FAM168A: variants seen among roughly 807,000 people sequenced by gnomAD.
FAM168A encodes the protein protein FAM168A.
Under a neutral mutation model 28.5 loss-of-function variants are expected in FAM168A, and 3 were observed. That is an observed-to-expected ratio of 0.11 (90% CI 0.05 to 0.27). The LOEUF (loss-of-function observed/expected upper bound fraction) is 0.27. Ranked by LOEUF, FAM168A falls within the 10% of genes least tolerant of loss-of-function variation. The pLI is 1.00. For synonymous variants in FAM168A, 122 were observed against 124.2 expected (o/e 0.98, Z 0.12); for missense variants, 222 against 311.5 (o/e 0.71, Z 2.16).
chr11:73,569,641 G>A (rs547375703), intron 1 of FAM168A, among the ~76,000 whole-genome samples: 327 of 152,188 alleles, frequency 2.1e-3, no homozygotes, highest in Non-Finnish European at 3.3e-3. Flanking sequence ...GGCCAATATG[G>A]TGAAACCCTG....
rs776745757 is a variant in FAM168A, at chr11:73,445,419, C to CTCTCTCTCTT, written c.71-14650_71-14649insAAGAGAGAGA. Among the ~76,000 whole-genome samples the CTCTCTCTCTT allele has an allele frequency of 3.6e-3, 183 of 50,482 alleles. 5 individuals are homozygous for CTCTCTCTCTT. The highest frequency in any genetic ancestry group is 0.01 in the African/African-American group (145 of 14,050). 33.1% of individuals were successfully genotyped at this position (50,482 alleles called of 152,430 possible). A position where few individuals can be genotyped will look rare whatever the true frequency, so the allele number is the denominator to read the frequency against. ...CCAGTAGATATATGTAAAAATGTCT[C>CTCTCTCTCTT]TTTTTTTTTTTTTTTTTTTTTTTTT... On this transcript the variant is annotated intron_variant, in intron 2 of 7. Transcript: ENST00000356467.
chr11:73,484,527 T>G (rs1313448492), intron 1 of FAM168A, among the ~76,000 whole-genome samples: 2 of 144,526 alleles, frequency 1.4e-5, no homozygotes, highest in Non-Finnish European at 3.0e-5. Context: ...GATATATATA[T>G]CTATATATCT....
chr11:73,535,519 A>G (rs554080536), intron 1 of FAM168A, among the ~76,000 whole-genome samples: 40 of 149,428 alleles, frequency 2.7e-4, no homozygotes, highest in African/African-American at 9.1e-4. Context: ...TCCCGGGTTC[A>G]TGCCATTCTC....
intron 2 of FAM168A, among the ~76,000 whole-genome samples, chr11:73,464,545 G>T: frequency 6.6e-6 from 1 of 152,150 alleles, no homozygotes; most frequent in East Asian, 1.9e-4. Flanking sequence ...GGCTAGCAGA[G>T]GAATGTGAAG....
chr11:73,543,849 A>C (rs1388750333), intron 1 of FAM168A, among the ~76,000 whole-genome samples: 1 of 152,136 alleles, frequency 6.6e-6, no homozygotes, highest in Non-Finnish European at 1.5e-5. Context: ...GCACAAAGAG[A>C]TACATAAAGT....
intron 1 of FAM168A, among the ~76,000 whole-genome samples, chr11:73,469,970 G>A (rs1867790418): frequency 6.6e-6 from 1 of 152,056 alleles, no homozygotes; most frequent in Non-Finnish European, 1.5e-5. Flanking sequence ...GGAGAGCAGT[G>A]GGGTGATCTT....
At chr11:73,544,658 C>T (rs533239496) in intron 1 of FAM168A, among the ~76,000 whole-genome samples, 45 of 126,120 alleles carry the variant, frequency 3.6e-4, no homozygotes, top group African/African-American at 1.2e-3. Flanking sequence ...TATACAATTA[C>T]ATATATTATA....
chr11:73,428,748 A>G (rs1010732328), intron 3 of FAM168A, among the ~76,000 whole-genome samples: 10 of 152,218 alleles, frequency 6.6e-5, no homozygotes, highest in African/African-American at 1.4e-4. Context: ...GGAAAATATT[A>G]TATGTCATAT....
intron 1 of FAM168A, among the ~76,000 whole-genome samples, chr11:73,582,747 A>C (rs1256372876): frequency 1.3e-5 from 2 of 152,344 alleles, no homozygotes; most frequent in East Asian, 1.9e-4. Context: ...AAAGAACTCT[A>C]GACTGAGTCA....
chr11:73,548,845 T>C (rs968527428), intron 1 of FAM168A, among the ~76,000 whole-genome samples: 1 of 152,088 alleles, frequency 6.6e-6, no homozygotes, highest in Non-Finnish European at 1.5e-5. Flanking sequence ...TATGTTGCCC[T>C]GGCTAGACTT....
chr11:73,450,792 T>C (rs1270571567), intron 2 of FAM168A, among the ~76,000 whole-genome samples: 1 of 152,106 alleles, frequency 6.6e-6, no homozygotes, highest in Admixed American at 6.6e-5. Flanking sequence ...AAGGCAAAGC[T>C]GTCTCTTAAA....
At chr11:73,582,228 T>C (rs183870137) in intron 1 of FAM168A, among the ~76,000 whole-genome samples, 43 of 151,996 alleles carry the variant, frequency 2.8e-4, no homozygotes, top group Middle Eastern at 3.4e-3. Context: ...CTAATTAAAA[T>C]TGCCTGCCAG....
intron 1 of FAM168A, among the ~76,000 whole-genome samples, chr11:73,474,334 T>C (rs987136560): frequency 1.3e-5 from 2 of 152,128 alleles, no homozygotes; most frequent in African/African-American, 4.8e-5. Flanking sequence ...AAATGATTTT[T>C]TTTTTTTAAA....
At chr11:73,446,731 T>TC (rs993685997) in intron 2 of FAM168A, among the ~76,000 whole-genome samples, 6 of 152,216 alleles carry the variant, frequency 3.9e-5, no homozygotes, top group African/African-American at 9.6e-5. Flanking sequence ...CTCAAACATG[T>TC]CCCCACCTCT....
intron 1 of FAM168A, among the ~76,000 whole-genome samples, chr11:73,497,002 G>A (rs972847800): frequency 6.6e-6 from 1 of 151,864 alleles, no homozygotes; most frequent in Non-Finnish European, 1.5e-5. Context: ...AATTCCCCAC[G>A]TATTTTTGAA....
At chr11:73,408,899 G>C (rs1294609640) in intron 6 of FAM168A, among the ~76,000 whole-genome samples, 1 of 151,882 alleles carries the variant, frequency 6.6e-6, no homozygotes, top group Non-Finnish European at 1.5e-5. Flanking sequence ...CATTGCCCCT[G>C]TGTCTTCTTT....
At chr11:73,442,839 T>TTTC (rs1491179430) in intron 2 of FAM168A, among the ~76,000 whole-genome samples, 7 of 94,726 alleles carry the variant, frequency 7.4e-5, no homozygotes, top group African/African-American at 1.3e-4. Flanking sequence ...TCTTTCTTTC[T>TTTC]TTTTTTTTTT....
chr11:73,585,036 A>G (rs1365266444), intron 1 of FAM168A, among the ~76,000 whole-genome samples: 1 of 152,202 alleles, frequency 6.6e-6, no homozygotes, highest in African/African-American at 2.4e-5. Flanking sequence ...GTTCACCAAG[A>G]AATCCAGGCA....
chr11:73,577,834 C>A (rs1221295054), intron 1 of FAM168A, among the ~76,000 whole-genome samples: 1 of 152,100 alleles, frequency 6.6e-6, no homozygotes, highest in Non-Finnish European at 1.5e-5. Context: ...AACATCTGTT[C>A]ATAATTAATA....
Sources: gnomAD v4.1 joint callset for allele counts (sites outside exome capture counted in the v4.1 genomes callset) on GRCh38, gnomAD v4.1.1 for gene constraint, MANE v1.5 for transcripts, NCBI Gene and HGNC (gene_info 2026-07-23, HGNC 2026-07-21) for gene names.